The following ZNF536 variants were observed in gnomAD, a reference collection of about 807,000 sequenced individuals.
The protein encoded by ZNF536 is zinc finger protein 536.
Under a neutral mutation model 84.5 loss-of-function variants are expected in ZNF536, and 13 were observed. The ratio of observed to expected loss-of-function variants is 0.15; its 90% CI spans 0.10 to 0.24. ZNF536 has a LOEUF of 0.24. Among genes scored for constraint, ZNF536 ranks in the 10% least tolerant of loss-of-function variants. The pLI is 1.00. For synonymous variants in ZNF536, 811 were observed against 742.5 expected (o/e 1.09, Z -1.50); for missense variants, 1,536 against 1,747.5 (o/e 0.88, Z 2.16).
At chr19:30,383,676 CTTTCTTCCTTCCTTTCT>C (rs1264739597) in intron 1 of ZNF536, among the ~76,000 whole-genome samples, 17 of 12,146 alleles carry the variant, frequency 1.4e-3, no homozygotes, top group African/African-American at 5.8e-3. Context: ...TTCTTTCTTC[CTTTCTTCCTTCCTTTCT>C]TTTCTTTCTC....
Position 30,255,254 on chromosome 19 carries a change from A to T in ZNF536, c.-190+26581A>T, listed in dbSNP as rs1263247694. ...GTTTACTCTTACTAATTCGGTGGGA[A>T]CATATGGCTTTAGAGCTTGGGGTGG... On this transcript the variant is annotated intron_variant, in intron 1 of 5. Coordinates refer to the ZNF536 transcript ENST00000585628. Among the ~76,000 whole-genome samples, 3 of 152,102 alleles carry T rather than the reference A, an allele frequency of 2.0e-5. No individual in the cohort carries two copies. In the East Asian group the frequency reaches 5.8e-4, roughly 29 times the overall value.
rs532920072 is a variant in ZNF536 at position 30,438,615 on chromosome 19, A to G, written c.-2-4946A>G. Among the ~76,000 whole-genome samples the G allele has an allele frequency of 1.4e-4, 21 of 152,350 alleles. No individual in the cohort carries two copies. The South Asian group carries it at 3.9e-3, about 29-fold the overall frequency. ...AAGGCTCACTCCCTGGTGGGCTGGG[A>G]AAAGGGATAATAAGACCTTCCAGCA... On this transcript the variant is annotated intron_variant, in intron 1 of 4. Transcript: ENST00000355537.
intron 1 of ZNF536, among the ~76,000 whole-genome samples, chr19:30,254,548 T>C (rs1366088668): frequency 6.7e-6 from 1 of 148,702 alleles, no homozygotes; most frequent in Non-Finnish European, 1.5e-5. Context: ...TTAAAGTCTC[T>C]TCCAGAGAGT....
intron 1 of ZNF536, among the ~76,000 whole-genome samples, chr19:30,577,129 T>G (rs1428171346): frequency 6.6e-6 from 1 of 152,208 alleles, no homozygotes; most frequent in African/African-American, 2.4e-5. Context: ...TTGTGCATGT[T>G]TTTTTCTCCT....
chr19:30,478,926 C>A (rs530656694), intron 2 of ZNF536, among the ~76,000 whole-genome samples: 1 of 152,170 alleles, frequency 6.6e-6, no homozygotes. Flanking sequence ...GGAAACTCAT[C>A]CTTCCGAGGC....
intron 3 of ZNF536, among the ~76,000 whole-genome samples, chr19:30,358,827 C>T (rs953058573): frequency 6.6e-6 from 1 of 152,182 alleles, no homozygotes; most frequent in South Asian, 2.1e-4. Context: ...CAAAGACAAT[C>T]AAGGCTGAAG....
intron 2 of ZNF536, among the ~76,000 whole-genome samples, chr19:30,518,475 T>A (rs1248491039): frequency 6.6e-6 from 1 of 152,228 alleles, no homozygotes; most frequent in Non-Finnish European, 1.5e-5. Flanking sequence ...TGTATTCCTG[T>A]GCAATTTTCC....
intron 1 of ZNF536, chr19:30,665,828 C>T (rs1225796283): frequency 6.5e-6 from 1 of 152,674 alleles, no homozygotes; most frequent in Non-Finnish European, 1.5e-5. Flanking sequence ...TTGGGGGGCC[C>T]TAGGCAGCAG....
At chr19:30,492,478 C>T (rs940782739) in intron 2 of ZNF536, among the ~76,000 whole-genome samples, 1 of 152,118 alleles carries the variant, frequency 6.6e-6, no homozygotes, top group South Asian at 2.1e-4. Flanking sequence ...TATATCAGAA[C>T]ATATTTCAAG....
At chr19:30,314,667 G>A (rs947142000) in intron 2 of ZNF536, among the ~76,000 whole-genome samples, 1 of 152,128 alleles carries the variant, frequency 6.6e-6, no homozygotes, top group African/African-American at 2.4e-5. Context: ...TCTGATCCCG[G>A]CTCGCTGGGG....
In ZNF536 at chr19:30,443,825, T is replaced by G. The variant is rs1600750468; in HGVS notation, c.263T>G (p.Leu88Arg). The G allele has an allele frequency of 6.2e-7, 1 of 1,613,192 alleles. No individual in the cohort carries two copies. Among genetic ancestry groups the G allele is most frequent in the Non-Finnish European group, 8.5e-7 (1 of 1,179,856 alleles). ...CAGATGGCGCTCCTGGCCAACCAGC[T>G]GGGCCGGGAGGTGGACACCAGCCTC... ...GSQMALLANQLGREVDTSLNG... is the reference protein window; with the variant it reads ...GSQMALLANQRGREVDTSLNG... The change falls in exon 2 of 5, where the codon CTG becomes CGG. Residue 88 changes from leucine (L) to arginine (R), a missense_variant. Coordinates refer to ENST00000355537, the MANE Select transcript of ZNF536 (RefSeq NM_014717.3).
chr19:30,631,368 AG>A (rs1390227629), intron 1 of ZNF536, among the ~76,000 whole-genome samples: 4 of 152,176 alleles, frequency 2.6e-5, no homozygotes, highest in Non-Finnish European at 4.4e-5. Flanking sequence ...ACCATGGCTG[AG>A]CCGAGATCCT....
chr19:30,627,468 C>CAAAAAAAAAAAA (rs569312789), intron 1 of ZNF536, among the ~76,000 whole-genome samples: 14 of 52,048 alleles, frequency 2.7e-4, no homozygotes, highest in African/African-American at 1.2e-3. Context: ...AAGGCCCTGT[C>CAAAAAAAAAAAA]AAAAAAAAAA....
intron 1 of ZNF536, among the ~76,000 whole-genome samples, chr19:30,400,274 A>G (rs1476312492): frequency 1.3e-5 from 2 of 152,080 alleles, no homozygotes; most frequent in Non-Finnish European, 2.9e-5. Context: ...TGGTAAGGGT[A>G]TGTTTTATTT....
chr19:30,237,151 A>G (rs1176506922), intron 1 of ZNF536, among the ~76,000 whole-genome samples: 1 of 152,132 alleles, frequency 6.6e-6, no homozygotes, highest in Non-Finnish European at 1.5e-5. Flanking sequence ...TCTGTTGTTA[A>G]GAAAACTTTT....
At chr19:30,635,098 G>A (rs1441200950) in intron 1 of ZNF536, among the ~76,000 whole-genome samples, 6 of 151,980 alleles carry the variant, frequency 3.9e-5, no homozygotes, top group Non-Finnish European at 8.8e-5. Flanking sequence ...GTGTATGCGC[G>A]TGCCCCACAC....
At chr19:30,379,009 C>T (rs2147135347) in intron 1 of ZNF536, among the ~76,000 whole-genome samples, 1 of 152,276 alleles carries the variant, frequency 6.6e-6, no homozygotes, top group South Asian at 2.1e-4. Context: ...GTGATAGCTC[C>T]AGCCCTGTCC....
chr19:30,383,962 T>TC (rs2049186057), intron 1 of ZNF536, among the ~76,000 whole-genome samples: 3 of 37,070 alleles, frequency 8.1e-5, no homozygotes, highest in African/African-American at 1.4e-4. Flanking sequence ...CCCCTCCCCT[T>TC]CCCTTCCTTC....
chr19:30,708,638 G>C (rs1194436571), intron 1 of ZNF536, among the ~76,000 whole-genome samples: 2 of 152,194 alleles, frequency 1.3e-5, no homozygotes, highest in African/African-American at 4.8e-5. Context: ...TCTGAAGTCA[G>C]CATTGCAAAG....
Sources: allele counts gnomAD v4.1 joint callset (sites outside exome capture counted in the v4.1 genomes callset), GRCh38; gene constraint gnomAD v4.1.1; transcripts MANE v1.5; gene names NCBI Gene and HGNC (gene_info 2026-07-23, HGNC 2026-07-21).